The following RABGAP1 variants were observed in gnomAD, a reference collection of about 807,000 sequenced individuals.
RABGAP1 encodes RAB GTPase activating protein 1.
Under a neutral mutation model 137.6 loss-of-function variants are expected in RABGAP1, and 23 were observed. The ratio of observed to expected loss-of-function variants is 0.17; its 90% confidence interval spans 0.12 to 0.24. RABGAP1 has a LOEUF of 0.24. Among genes scored for constraint, RABGAP1 ranks in the 10% least tolerant of loss-of-function variants. The probability of loss-of-function intolerance (pLI) is 1.00; values close to 1 mark genes in which losing one functional copy is unlikely to be tolerated. For synonymous variants in RABGAP1, 451 were observed against 450.7 expected (o/e 1.00, Z -0.01); for missense variants, 906 against 1,275.8 (o/e 0.71, Z 4.42).
chr9:122,943,001 G>C (rs1833686939), intron 1 of RABGAP1, among the ~76,000 whole-genome samples: 1 of 150,176 alleles, frequency 6.7e-6, no homozygotes, highest in African/African-American at 2.5e-5. Flanking sequence ...AACACAGCCA[G>C]TTCCCATCAA....
intron 1 of RABGAP1, among the ~76,000 whole-genome samples, chr9:122,944,344 T>G (rs1265514590): frequency 6.6e-6 from 1 of 151,224 alleles, no homozygotes; most frequent in African/African-American, 2.4e-5. Context: ...ATCCTCCTGC[T>G]TCAGCCTCCC....
intron 9 of RABGAP1, 41 bp downstream of exon 9, chr9:122,997,402 T>G (rs1379303326): frequency 6.9e-7 from 1 of 1,450,182 alleles, no homozygotes; most frequent in Non-Finnish European, 9.4e-7. Flanking sequence ...AATTTTAGTC[T>G]CAAGAAGAGA....
chr9:123,034,341 C>G (rs2032486988), intron 13 of RABGAP1: 5 of 554,458 alleles, frequency 9.0e-6, no homozygotes, highest in South Asian at 8.2e-5. Context: ...GCGTCTGGGA[C>G]TGGCCAGACA....
chr9:122,996,995 A>G, intron 8 of RABGAP1: 1 of 580,948 alleles, frequency 1.7e-6, no homozygotes, highest in Non-Finnish European at 3.2e-6. Context: ...ATTCACATGA[A>G]AGAAGAATTC....
At chr9:123,066,884 TCTAA>T (rs1407298789) in intron 14 of RABGAP1, among the ~76,000 whole-genome samples, 1 of 152,254 alleles carries the variant, frequency 6.6e-6, no homozygotes, top group Non-Finnish European at 1.5e-5. Flanking sequence ...TAATGATTAG[TCTAA>T]CTGATAAGTA....
At position 123,070,553 on chromosome 9, in the gene RABGAP1, T is replaced by A. The variant is rs970272401; in HGVS notation, c.1983+129T>A. Reference sequence around the variant, plus strand: ...AGGCATGAATTTTAACACCTATAGCTGGAAACTTTTTCCTTAAATTAACTT... The same window carrying A: ...AGGCATGAATTTTAACACCTATAGCAGGAAACTTTTTCCTTAAATTAACTT... On this transcript the variant is annotated intron_variant, in intron 15 of 25. Transcript: ENST00000373647. This position sits in a 1 kb window ranked among gnomAD's most constrained non-coding sequence, Gnocchi z 4.4. 10 of 1,452,444 alleles carry A rather than the reference T, an allele frequency of 6.9e-6. No individual in the cohort carries two copies. The highest frequency in any genetic ancestry group is 9.1e-6 in the Non-Finnish European group (10 of 1,102,820). The allele number at this position is 1,452,444 out of a possible 1,614,324, so 90.0% of individuals were successfully genotyped here.
chr9:122,976,134 T>C (rs1835749380), intron 2 of RABGAP1, among the ~76,000 whole-genome samples: 1 of 152,230 alleles, frequency 6.6e-6, no homozygotes, highest in Non-Finnish European at 1.5e-5. Context: ...CAATTCATCA[T>C]GCAGTCTCCA....
upstream of RABGAP1, among the ~76,000 whole-genome samples, chr9:122,936,256 G>T (rs1027964576): frequency 1.6e-4 from 25 of 152,098 alleles, no homozygotes; most frequent in African/African-American, 6.0e-4. Context: ...AATTCATTAT[G>T]TTTGTCCTAC....
At position 123,010,410 on chromosome 9, in the gene RABGAP1, G is replaced by A; in HGVS notation, c.1431G>A (p.Leu477=). ...NTDTLYEVVC[L]ESESERERRK... ...ACACTTTATATGAAGTTGTATGCTT[G>A]GAAAGTGAATCAGAAAGAGAGAGGA... The change falls in exon 11 of 26, where the codon TTG becomes TTA. Residue 477 remains leucine, a synonymous_variant. Coordinates refer to ENST00000373647, the MANE Select transcript of RABGAP1 (RefSeq NM_012197.4). 6.2e-7 allele frequency: 1 copy of A among 1,613,706 alleles called. No homozygotes were observed. The highest frequency in any genetic ancestry group is 1.1e-5 in the South Asian group (1 of 91,068).
chr9:123,077,178 C>CT (rs910805720), intron 19 of RABGAP1, among the ~76,000 whole-genome samples: 4 of 120,896 alleles, frequency 3.3e-5, no homozygotes, highest in Non-Finnish European at 6.9e-5. Flanking sequence ...TTTTTTTTTT[C>CT]TTTTTTTTGA....
At chr9:122,977,858 A>G (rs1835844784) in intron 2 of RABGAP1, among the ~76,000 whole-genome samples, 1 of 152,226 alleles carries the variant, frequency 6.6e-6, no homozygotes, top group Non-Finnish European at 1.5e-5. Flanking sequence ...GGGAGTAGAT[A>G]CCATACAGTG....
chr9:123,067,989 C>T (rs2034232526), intron 14 of RABGAP1, among the ~76,000 whole-genome samples: 1 of 152,118 alleles, frequency 6.6e-6, no homozygotes, highest in African/African-American at 2.4e-5. Context: ...GAGAAGAATA[C>T]ATCAACTCTG....
At chr9:123,087,494 A>G (rs1218235425) in intron 19 of RABGAP1, among the ~76,000 whole-genome samples, 1 of 152,180 alleles carries the variant, frequency 6.6e-6, no homozygotes, top group Non-Finnish European at 1.5e-5. Context: ...AGGATTGTCT[A>G]TACACTTACT....
intron 13 of RABGAP1, chr9:123,034,103 C>G (rs117086128): frequency 0.014 from 2,367 of 166,566 alleles, 37 homozygotes; most frequent in Non-Finnish European, 0.02. Context: ...CCAGCCTGAG[C>G]TAGCCAGGTT....
intron 1 of RABGAP1, among the ~76,000 whole-genome samples, chr9:122,942,207 G>T (rs1833619411): frequency 6.6e-6 from 1 of 152,208 alleles, no homozygotes; most frequent in Admixed American, 6.5e-5. Flanking sequence ...AAGGTGAATG[G>T]AATTGTGTTT....
chr9:122,951,765 A>G (rs1468591917), intron 1 of RABGAP1, among the ~76,000 whole-genome samples: 4 of 152,038 alleles, frequency 2.6e-5, no homozygotes, highest in African/African-American at 2.4e-5. Context: ...TAGAGATGGG[A>G]TGTAACTATA....
At chr9:122,969,412 C>G (rs1237926440) in intron 2 of RABGAP1, among the ~76,000 whole-genome samples, 3 of 152,144 alleles carry the variant, frequency 2.0e-5, no homozygotes, top group African/African-American at 7.2e-5. Context: ...GGAACATGTT[C>G]TCCAAATTTA....
rs1836590296 is a variant in RABGAP1 at position 122,990,064 on chromosome 9, G to C, written c.774G>C (p.Arg258=). 2 of 1,604,454 alleles carry C rather than the reference G, an allele frequency of 1.2e-6. No homozygotes were observed. The highest frequency in any genetic ancestry group is 1.3e-5 in the African/African-American group (1 of 74,460). The change falls in exon 6 of 26, where the codon CGG becomes CGC. Residue 258 remains arginine (R), a synonymous_variant. Coordinates refer to ENST00000373647, the MANE Select transcript of RABGAP1 (RefSeq NM_012197.4). ...FRCEIQEAVS[R]ILYSFATAFR... ...AACATGTCTGGTTGTAGGTAAGCCG[G>C]ATACTTTACAGTTTTGCCACTGCCT...
chr9:122,948,916 G>T (rs955310774), intron 1 of RABGAP1, among the ~76,000 whole-genome samples: 1 of 152,150 alleles, frequency 6.6e-6, no homozygotes, highest in Admixed American at 6.5e-5. Context: ...ATTGAACACT[G>T]CCCGTAAGTA....
Sources: allele counts gnomAD v4.1 joint callset (sites outside exome capture counted in the v4.1 genomes callset), GRCh38; gene constraint gnomAD v4.1.1; non-coding constraint Gnocchi (gnomAD v3.1); transcripts MANE v1.5; gene names NCBI Gene and HGNC (gene_info 2026-07-23, HGNC 2026-07-21).